Variants in MTUS2 observed in about 807,000 individuals in gnomAD.
MTUS2 encodes microtubule associated scaffold protein 2, also known as microtubule-associated tumor suppressor candidate 2.
A neutral mutation model predicts 114.1 loss-of-function variants in MTUS2; 40 were observed. The observed-to-expected ratio is 0.35, with a 90% CI of 0.27 to 0.46. The LOEUF (loss-of-function observed/expected upper bound fraction) is 0.46, where lower values mean the gene tolerates loss of function less well. Ranked by LOEUF, MTUS2 falls within the 20% of genes least tolerant of loss-of-function variation. The probability of loss-of-function intolerance (pLI) is 1.00; values close to 1 mark genes in which losing one functional copy is unlikely to be tolerated. For missense variants in MTUS2, 1,679 were observed against 1,705.4 expected (o/e 0.98, Z 0.27); for synonymous variants, 688 against 672.0 (o/e 1.02, Z -0.37).
At chr13:28,973,045 G>A (rs1265048939) in intron 2 of MTUS2, among the ~76,000 whole-genome samples, 1 of 151,878 alleles carries the variant, frequency 6.6e-6, no homozygotes, top group Non-Finnish European at 1.5e-5. Context: ...GTTTACAGTG[G>A]ACATACACTC....
Position 29,026,303 on chromosome 13 carries a change from C to G in MTUS2, c.1605C>G (p.Pro535=). ...ATTCAGTTCTCAATATTCCAGCACC[C>G]CTCCACCCAGAGACAACTGTGAACA... The part of the protein sequence containing the change: ...RADSVLNIPA[P]LHPETTVNMT... The change falls in exon 3 of 16, where the codon CCC becomes CCG. Residue 535 remains proline, a synonymous_variant. Coordinates refer to ENST00000612955, the MANE Select transcript of MTUS2 (RefSeq NM_001033602.4). The G allele has an allele frequency of 1.2e-6, 2 of 1,613,978 alleles. No individual in the cohort carries two copies. The highest frequency in any genetic ancestry group is 2.2e-5 in the South Asian group (2 of 91,082).
At chr13:29,180,349 A>G (rs962469540) in intron 5 of MTUS2, among the ~76,000 whole-genome samples, 9 of 152,234 alleles carry the variant, frequency 5.9e-5, no homozygotes, top group Non-Finnish European at 1.2e-4. Flanking sequence ...ATTAATTTCA[A>G]TTGCCAAACA....
intron 5 of MTUS2, among the ~76,000 whole-genome samples, chr13:29,160,887 C>G (rs1381225674): frequency 6.6e-6 from 1 of 152,178 alleles, no homozygotes. Flanking sequence ...GATGAATCTT[C>G]ATTGATTGAG....
At chr13:28,887,441 G>T (rs1269540481) in intron 2 of MTUS2, among the ~76,000 whole-genome samples, 4 of 152,186 alleles carry the variant, frequency 2.6e-5, no homozygotes, top group African/African-American at 9.7e-5. Flanking sequence ...CCCTCATGCT[G>T]GGCACAGCGG....
intron 5 of MTUS2, among the ~76,000 whole-genome samples, chr13:29,265,709 A>G (rs1235968770): frequency 1.3e-5 from 2 of 152,210 alleles, no homozygotes; most frequent in Non-Finnish European, 2.9e-5. Flanking sequence ...GGAACCTTAC[A>G]TGGCAAAAGC....
At chr13:29,129,754 C>G (rs544320774) in intron 5 of MTUS2, among the ~76,000 whole-genome samples, 1 of 152,120 alleles carries the variant, frequency 6.6e-6, no homozygotes, top group Non-Finnish European at 1.5e-5. Context: ...GCCCAGCATG[C>G]TGGTTCTCAG....
At chr13:28,822,160 C>A (rs1012222739) in intron 1 of MTUS2, among the ~76,000 whole-genome samples, 5 of 152,236 alleles carry the variant, frequency 3.3e-5, no homozygotes, top group Admixed American at 3.3e-4. Context: ...AGAAAGAAAC[C>A]TGGCCTCTGA....
chr13:29,449,418 G>T (rs4271469), intron 9 of MTUS2, among the ~76,000 whole-genome samples: 151,854 of 152,326 alleles, frequency 1, 75,695 homozygotes, highest in Middle Eastern at 1. Flanking sequence ...TCTTCTGGTC[G>T]TAATGATTAT....
intron 9 of MTUS2, among the ~76,000 whole-genome samples, chr13:29,460,117 G>A (rs1879379390): frequency 6.6e-6 from 1 of 152,204 alleles, no homozygotes; most frequent in African/African-American, 2.4e-5. Context: ...AACCCTGCAA[G>A]TTAGGTCATG....
intron 9 of MTUS2, among the ~76,000 whole-genome samples, chr13:29,450,788 GTC>G (rs1284209448): frequency 2.6e-5 from 4 of 152,188 alleles, no homozygotes; most frequent in African/African-American, 9.7e-5. Flanking sequence ...AAATTGGAAT[GTC>G]TATATTCATA....
At chr13:28,962,251 C>A (rs1055770982) in intron 2 of MTUS2, among the ~76,000 whole-genome samples, 2 of 151,950 alleles carry the variant, frequency 1.3e-5, no homozygotes, top group Admixed American at 6.6e-5. Context: ...ACTCTTCCAC[C>A]AGTCAAGTCA....
chr13:29,157,505 T>C (rs1353347912), intron 5 of MTUS2, among the ~76,000 whole-genome samples: 4 of 152,198 alleles, frequency 2.6e-5, no homozygotes, highest in African/African-American at 7.2e-5. Flanking sequence ...CGTTGACCCA[T>C]GTTAACCAAA....
chr13:29,172,854 T>C (rs1322117437), intron 5 of MTUS2, among the ~76,000 whole-genome samples: 1 of 152,206 alleles, frequency 6.6e-6, no homozygotes, highest in African/African-American at 2.4e-5. Flanking sequence ...TTAAAAACTT[T>C]AAAACAAGGA....
At chr13:29,047,287 A>G (rs1389280039) in intron 4 of MTUS2, among the ~76,000 whole-genome samples, 2 of 152,156 alleles carry the variant, frequency 1.3e-5, no homozygotes, top group African/African-American at 4.8e-5. Context: ...GTGATGTTGC[A>G]TGTAAAGCAC....
At chr13:29,497,644 C>T (rs536476331) in intron 13 of MTUS2, 7 of 353,836 alleles carry the variant, frequency 2.0e-5, no homozygotes, top group African/African-American at 1.4e-4. Context: ...GGCCTGACCA[C>T]CCCTTCCAGC....
At chr13:29,337,090 G>A (rs1901100945) in intron 7 of MTUS2, among the ~76,000 whole-genome samples, 1 of 152,154 alleles carries the variant, frequency 6.6e-6, no homozygotes, top group African/African-American at 2.4e-5. Context: ...CTGTGGGGAT[G>A]GGTTCTGCTG....
chr13:29,236,959 A>G (rs1462243509), intron 5 of MTUS2, among the ~76,000 whole-genome samples: 2 of 152,246 alleles, frequency 1.3e-5, no homozygotes, highest in Admixed American at 1.3e-4. Flanking sequence ...AAATAAACAC[A>G]GAGAAAAGAA....
chr13:28,846,055 A>AATATAT lies in MTUS2; in HGVS notation c.-243+6220_-243+6225dup, dbSNP rs10684198. On this transcript the variant is annotated intron_variant, in intron 2 of 15. Coordinates refer to ENST00000612955, the MANE Select transcript of MTUS2 (RefSeq NM_001033602.4). ...TATGCAGTCTTTTTCTTAAAAAAAAAATATATATATATATATATATTCCTC... is the reference window on the plus strand; with the variant it reads ...TATGCAGTCTTTTTCTTAAAAAAAAAATATATATATATATATATATATATATTCCTC... 9.5e-3 allele frequency among the ~76,000 whole-genome samples: 1,363 copies of AATATAT among 143,148 alleles called. 4 individuals carry two copies. Among genetic ancestry groups the AATATAT allele is most frequent in the Non-Finnish European group, 0.012 (782 of 65,804 alleles). The allele number at this position is 143,148 out of a possible 152,430, so 93.9% of individuals were successfully genotyped here. A position where few individuals can be genotyped will look rare whatever the true frequency, so the allele number is the denominator to read the frequency against.
intron 2 of MTUS2, among the ~76,000 whole-genome samples, chr13:28,919,225 C>A (rs1050405710): frequency 1.3e-5 from 2 of 152,060 alleles, no homozygotes; most frequent in African/African-American, 4.8e-5. Flanking sequence ...GATTGAATAA[C>A]CCCCTTTAGC....
Sources: allele counts gnomAD v4.1 joint callset (sites outside exome capture counted in the v4.1 genomes callset), GRCh38; gene constraint gnomAD v4.1.1; transcripts MANE v1.5; gene names NCBI Gene and HGNC (gene_info 2026-07-23, HGNC 2026-07-21).